Variants in ERC1 observed in about 807,000 individuals in gnomAD.
ERC1 encodes the protein ELKS/RAB6-interacting/CAST family member 1, also known as RAB6 interacting protein 2.
A neutral mutation model predicts 132.0 loss-of-function variants in ERC1; 56 were observed. That is an observed-to-expected ratio of 0.42 (90% CI 0.34 to 0.53). ERC1 has a LOEUF of 0.53. ERC1 is among the 20% of genes least tolerant of loss of function. ERC1 has a pLI of 0.03. For missense variants in ERC1, 1,202 were observed against 1,349.9 expected, an observed-to-expected ratio of 0.89 and a Z score of 1.72; for synonymous variants, 478 against 476.1, an observed-to-expected ratio of 1.00 and a Z score of -0.05.
At chr12:1,211,146 G>GATAT (rs1174625204) in intron 12 of ERC1, among the ~76,000 whole-genome samples, 2 of 151,088 alleles carry the variant, frequency 1.3e-5, no homozygotes, top group Admixed American at 1.3e-4. Flanking sequence ...CTTTTAAATT[G>GATAT]ATATATATAT....
At chr12:1,127,275 T>G (rs1260800589) in intron 7 of ERC1, among the ~76,000 whole-genome samples, 5 of 152,202 alleles carry the variant, frequency 3.3e-5, no homozygotes, top group Admixed American at 3.3e-4. Context: ...AGTAATCCCA[T>G]TCCTTGGTAT....
chr12:1,180,313 ATG>A (rs946495627), intron 8 of ERC1, among the ~76,000 whole-genome samples: 1 of 136,468 alleles, frequency 7.3e-6, no homozygotes, highest in Non-Finnish European at 1.7e-5. Flanking sequence ...GCGCATACAC[ATG>A]TGTACTTTTT....
At chr12:1,002,667 A>G (rs531091973) in intron 1 of ERC1, among the ~76,000 whole-genome samples, 3 of 152,220 alleles carry the variant, frequency 2.0e-5, no homozygotes, top group East Asian at 1.9e-4. Context: ...ATTTTGTTCC[A>G]TATCTTTGCC....
intron 3 of ERC1, among the ~76,000 whole-genome samples, chr12:1,096,947 C>T (rs1435314351): frequency 6.6e-6 from 1 of 152,170 alleles, no homozygotes; most frequent in African/African-American, 2.4e-5. Flanking sequence ...CACATCTGAT[C>T]CTTACTATCA....
intron 8 of ERC1, among the ~76,000 whole-genome samples, chr12:1,164,231 TTTTTA>T (rs201747298): frequency 0.032 from 4,352 of 136,088 alleles, 166 homozygotes; most frequent in African/African-American, 0.092. Context: ...GAACCTGCCC[TTTTTA>T]TTTTATTTTA....
At chr12:1,170,593 G>C (rs1952949304) in intron 8 of ERC1, among the ~76,000 whole-genome samples, 1 of 152,114 alleles carries the variant, frequency 6.6e-6, no homozygotes, top group Non-Finnish European at 1.5e-5. Context: ...AGCACAGGGA[G>C]GTCTGTCAAT....
chr12:1,400,908 ATTTTTGTATTTTT>A lies in ERC1; in HGVS notation c.2926-7235_2926-7223del, dbSNP rs1649912517. ...CTTCTCATTCAATATTGTTTTGGCT[ATTTTTGTATTTTT>A]TTTTTTTTTTTTTTTTTTTTTTTTT... is the stretch of plus-strand genomic sequence containing the variant. On this transcript the variant is annotated intron_variant, in intron 16 of 18. Coordinates refer to ENST00000360905, the MANE Select transcript of ERC1 (RefSeq NM_178040.4). 2.6e-3 allele frequency among the ~76,000 whole-genome samples: 111 copies of A among 43,404 alleles called. 16 individuals carry two copies. Among genetic ancestry groups the A allele is most frequent in the African/African-American group, 7.1e-3 (106 of 15,004 alleles). 28.5% of individuals were successfully genotyped at this position (43,404 alleles called of 152,430 possible).
At chr12:1,119,261 T>G (rs1434980997) in intron 7 of ERC1, among the ~76,000 whole-genome samples, 1 of 150,070 alleles carries the variant, frequency 6.7e-6, no homozygotes, top group Admixed American at 6.6e-5. Flanking sequence ...TTGTTTTGTT[T>G]TTTTTGTTTT....
intron 16 of ERC1, chr12:1,385,717 C>T (rs1403826474): frequency 1.3e-5 from 2 of 152,210 alleles, no homozygotes; most frequent in Non-Finnish European, 2.9e-5. Context: ...ACAGTCACAG[C>T]AATGTTCCCT....
chr12:1,199,128 T>G (rs1010620924), intron 12 of ERC1, among the ~76,000 whole-genome samples: 1 of 146,140 alleles, frequency 6.8e-6, no homozygotes, highest in Non-Finnish European at 1.5e-5. Flanking sequence ...CAACATGAGA[T>G]TTGGGTGGGG....
chr12:1,374,836 T>C (rs1206114032), intron 16 of ERC1, among the ~76,000 whole-genome samples: 2 of 151,412 alleles, frequency 1.3e-5, no homozygotes, highest in African/African-American at 4.9e-5. Flanking sequence ...TTTTTTTTTT[T>C]TTTTTTTTTT....
At chr12:1,305,980 A>C (rs938838405) in intron 15 of ERC1, among the ~76,000 whole-genome samples, 1 of 152,046 alleles carries the variant, frequency 6.6e-6, no homozygotes, top group African/African-American at 2.4e-5. Flanking sequence ...CTTCATCTCT[A>C]TTTCTGAAAT....
At chr12:1,309,242 T>C (rs112974548) in intron 15 of ERC1, among the ~76,000 whole-genome samples, 1 of 152,348 alleles carries the variant, frequency 6.6e-6, no homozygotes, top group African/African-American at 2.4e-5. Context: ...ACAATAATTT[T>C]GCATGATGTC....
At chr12:1,435,771 G>A (rs1046566601) in intron 17 of ERC1, among the ~76,000 whole-genome samples, 4 of 152,106 alleles carry the variant, frequency 2.6e-5, no homozygotes, top group Admixed American at 6.5e-5. Context: ...GGCTGTTTCC[G>A]ATGTTAGCAT....
At chr12:1,476,484 A>C (rs1478977001) in intron 18 of ERC1, among the ~76,000 whole-genome samples, 2 of 152,196 alleles carry the variant, frequency 1.3e-5, no homozygotes, top group Non-Finnish European at 2.9e-5. Context: ...AAGAGCATTA[A>C]TAGGAAACTC....
At chr12:990,898 C>T (rs1240460153), upstream of ERC1, among the ~76,000 whole-genome samples, 1 of 151,854 alleles carries the variant, frequency 6.6e-6, no homozygotes, top group African/African-American at 2.4e-5. Flanking sequence ...GCTCGCGGAG[C>T]CGACCCCGGC....
intron 16 of ERC1, among the ~76,000 whole-genome samples, chr12:1,405,570 GCA>G (rs1170959998): frequency 6.6e-6 from 1 of 152,102 alleles, no homozygotes; most frequent in African/African-American, 2.4e-5. Flanking sequence ...GGGCGTGGTG[GCA>G]GGCGCCTGTA....
intron 1 of ERC1, among the ~76,000 whole-genome samples, chr12:1,009,712 C>A (rs935760990): frequency 6.6e-6 from 1 of 152,084 alleles, no homozygotes; most frequent in South Asian, 2.1e-4. Context: ...TTTAGTTATA[C>A]ATGTTAATTA....
chr12:1,093,971 A>ATTTTTC (rs1943642024), intron 3 of ERC1, among the ~76,000 whole-genome samples: 1 of 130,748 alleles, frequency 7.6e-6, no homozygotes, highest in African/African-American at 2.7e-5. Context: ...ATATATATAT[A>ATTTTTC]TATATATATA....
Sources: allele counts gnomAD v4.1 joint callset (sites outside exome capture counted in the v4.1 genomes callset), GRCh38; gene constraint gnomAD v4.1.1; transcripts MANE v1.5; gene names NCBI Gene and HGNC (gene_info 2026-07-23, HGNC 2026-07-21).